The following SUCLG2 variants were observed in gnomAD, a reference collection of about 807,000 sequenced individuals.
The protein encoded by SUCLG2 is succinate--CoA ligase [GDP-forming] subunit beta, mitochondrial.
A neutral mutation model predicts 47.9 loss-of-function variants in SUCLG2; 42 were observed. The ratio of observed to expected loss-of-function variants is 0.88; its 90% CI spans 0.69 to 1.14. The LOEUF (loss-of-function observed/expected upper bound fraction) is 1.14, where lower values mean the gene tolerates loss of function less well. SUCLG2 is among the 50% of genes most tolerant of loss of function. SUCLG2 has a pLI of 0.00. For missense variants in SUCLG2, 571 were observed against 525.9 expected (o/e 1.09, Z -0.84); for synonymous variants, 195 against 197.3 (o/e 0.99, Z 0.10).
intron 9 of SUCLG2, among the ~76,000 whole-genome samples, chr3:67,461,963 C>T (rs13317382): frequency 0.015 from 2,227 of 151,854 alleles, 53 homozygotes; most frequent in African/African-American, 0.052. Flanking sequence ...CATGCGGGGC[C>T]GGATGATACA....
chr3:67,514,125 T>C (rs1257367783), intron 6 of SUCLG2: 3 of 307,250 alleles, frequency 9.8e-6, no homozygotes, highest in Non-Finnish European at 2.0e-5. Context: ...TCATTGAAGA[T>C]CCTGCCTTGA....
At chr3:67,456,441 C>T (rs1704188265) in intron 9 of SUCLG2, among the ~76,000 whole-genome samples, 1 of 152,078 alleles carries the variant, frequency 6.6e-6, no homozygotes, top group Admixed American at 6.5e-5. Flanking sequence ...TATAAGCCCT[C>T]ATTGGAAGAT....
At chr3:67,367,805 TA>T (rs536076050) in intron 10 of SUCLG2, among the ~76,000 whole-genome samples, 59 of 152,322 alleles carry the variant, frequency 3.9e-4, no homozygotes, top group Middle Eastern at 3.4e-3. Flanking sequence ...CTTCCACACT[TA>T]TATTTTAGTT....
At chr3:67,631,813 A>G (rs1020501593) in intron 1 of SUCLG2, among the ~76,000 whole-genome samples, 1 of 152,162 alleles carries the variant, frequency 6.6e-6, no homozygotes, top group Non-Finnish European at 1.5e-5. Context: ...GCATTCACCA[A>G]TGCATTTCCC....
At chr3:67,550,512 A>T (rs747510069) in intron 2 of SUCLG2, among the ~76,000 whole-genome samples, 1 of 151,672 alleles carries the variant, frequency 6.6e-6, no homozygotes, top group South Asian at 2.1e-4. Flanking sequence ...ATGCCTGGAA[A>T]TTTTTTTTGT....
At chr3:67,527,322 G>C (rs1189644191) in intron 4 of SUCLG2, among the ~76,000 whole-genome samples, 1 of 152,154 alleles carries the variant, frequency 6.6e-6, no homozygotes, top group African/African-American at 2.4e-5. Flanking sequence ...TTCTAACCAT[G>C]GATGCTTTTC....
chr3:67,508,791 TC>T lies in SUCLG2; in HGVS notation c.757+15del. On this transcript the variant is annotated intron_variant, in intron 7 of 10. Transcript: ENST00000307227. ...TAATACATTCATTTGTTTTCTCAAT[TC>T]TTTTTTTTTTTTACCTTGTCCTTCT... 1 of 1,526,438 alleles carries T rather than the reference TC, an allele frequency of 6.6e-7. No individual in the cohort carries two copies. The highest frequency in any genetic ancestry group is 1.2e-5 in the South Asian group (1 of 84,138). The allele number at this position is 1,526,438 out of a possible 1,614,324, so 94.6% of individuals were successfully genotyped here. A position where few individuals can be genotyped will look rare whatever the true frequency, so the allele number is the denominator to read the frequency against.
chr3:67,486,045 C>G (rs796088869), intron 9 of SUCLG2, among the ~76,000 whole-genome samples: 2 of 152,236 alleles, frequency 1.3e-5, no homozygotes, highest in African/African-American at 4.8e-5. Flanking sequence ...GGCTAAGAGG[C>G]AGATCGCTTG....
At chr3:67,639,449 A>T (rs1442331297) in intron 1 of SUCLG2, among the ~76,000 whole-genome samples, 2 of 142,286 alleles carry the variant, frequency 1.4e-5, no homozygotes, top group Admixed American at 1.3e-4. Flanking sequence ...GCCTTGCAGC[A>T]GATGCTCTCA....
At chr3:67,379,691 G>A (rs756186343) in intron 10 of SUCLG2, among the ~76,000 whole-genome samples, 4 of 152,150 alleles carry the variant, frequency 2.6e-5, no homozygotes, top group Non-Finnish European at 5.9e-5. Flanking sequence ...GCCCTTGCTG[G>A]GCTTTCCACC....
At chr3:67,446,707 C>T (rs1174858616) in intron 9 of SUCLG2, among the ~76,000 whole-genome samples, 2 of 151,722 alleles carry the variant, frequency 1.3e-5, no homozygotes, top group African/African-American at 4.8e-5. Context: ...GCCTGGATTA[C>T]AGGCGTAAGC....
intron 9 of SUCLG2, among the ~76,000 whole-genome samples, chr3:67,429,535 C>T (rs186295596): frequency 1.3e-5 from 2 of 152,276 alleles, no homozygotes; most frequent in East Asian, 1.9e-4. Flanking sequence ...GAAGAAACTG[C>T]ATCAACTAAC....
intron 1 of SUCLG2, among the ~76,000 whole-genome samples, chr3:67,613,195 GGGAGGAT>G (rs1700562859): frequency 6.6e-6 from 1 of 152,126 alleles, no homozygotes; most frequent in Non-Finnish European, 1.5e-5. Context: ...CCCAGAGACT[GGGAGGAT>G]GGAACCGAAA....
chr3:67,518,157 T>C (rs997749269), intron 6 of SUCLG2, 90 bp downstream of exon 6: 13 of 1,036,984 alleles, frequency 1.3e-5, no homozygotes, highest in African/African-American at 1.6e-5. Flanking sequence ...TCCTGTTTCC[T>C]GGTAATCACA....
intron 2 of SUCLG2, among the ~76,000 whole-genome samples, chr3:67,609,085 C>A (rs1313800521): frequency 6.6e-6 from 1 of 152,180 alleles, no homozygotes; most frequent in East Asian, 1.9e-4. Flanking sequence ...TCAGGCAGGG[C>A]CCAGTCTAGA....
chr3:67,564,886 C>T (rs545778846), intron 2 of SUCLG2, among the ~76,000 whole-genome samples: 246 of 152,020 alleles, frequency 1.6e-3, no homozygotes, highest in Admixed American at 3.5e-3. Context: ...ATAAGCCTTT[C>T]GTGCTATTTA....
chr3:67,553,792 G>A (rs911115294), intron 2 of SUCLG2, among the ~76,000 whole-genome samples: 1 of 152,154 alleles, frequency 6.6e-6, no homozygotes, highest in Non-Finnish European at 1.5e-5. Flanking sequence ...AAAATTACAA[G>A]AGTAATGGTA....
intron 9 of SUCLG2, among the ~76,000 whole-genome samples, chr3:67,428,297 C>A (rs1242803089): frequency 6.6e-6 from 1 of 152,202 alleles, no homozygotes. Flanking sequence ...TATTTGCTGT[C>A]CTGCAGCCTC....
At chr3:67,410,054 T>C (rs1184630864) in intron 9 of SUCLG2, among the ~76,000 whole-genome samples, 4 of 152,320 alleles carry the variant, frequency 2.6e-5, no homozygotes, top group South Asian at 2.1e-4. Context: ...ATCTGTGTTC[T>C]AAATTATAAC....
Sources: allele counts gnomAD v4.1 joint callset (sites outside exome capture counted in the v4.1 genomes callset), GRCh38; gene constraint gnomAD v4.1.1; transcripts MANE v1.5; gene names NCBI Gene and HGNC (gene_info 2026-07-23, HGNC 2026-07-21).